The following PEX5L variants were observed in gnomAD, a reference collection of about 807,000 sequenced individuals.
PEX5L encodes PEX5-related protein.
A neutral mutation model predicts 84.0 loss-of-function variants in PEX5L; 30 were observed. That is an observed-to-expected ratio of 0.36 (90% CI 0.27 to 0.48). PEX5L has a LOEUF of 0.48. PEX5L is among the 20% of genes least tolerant of loss of function. PEX5L has a pLI of 0.99. For missense variants in PEX5L, 533 were observed against 754.6 expected (o/e 0.71, Z 3.44); for synonymous variants, 270 against 283.1 (o/e 0.95, Z 0.46).
intron 1 of PEX5L, among the ~76,000 whole-genome samples, chr3:179,984,106 C>T (rs1354632343): frequency 6.6e-6 from 1 of 152,068 alleles, no homozygotes; most frequent in Non-Finnish European, 1.5e-5. Flanking sequence ...CAAGAAATTA[C>T]ATTTCTCAAG....
At chr3:179,818,218 A>C (rs1726912877) in intron 9 of PEX5L, among the ~76,000 whole-genome samples, 1 of 152,096 alleles carries the variant, frequency 6.6e-6, no homozygotes, top group Admixed American at 6.5e-5. Flanking sequence ...CCTCCGCCAC[A>C]AAATAATAAT....
intron 8 of PEX5L, among the ~76,000 whole-genome samples, chr3:179,833,479 T>C (rs1296557277): frequency 6.6e-6 from 1 of 152,234 alleles, no homozygotes; most frequent in Non-Finnish European, 1.5e-5. Context: ...TTCTTTGCTT[T>C]AAGGATCAAT....
intron 1 of PEX5L, among the ~76,000 whole-genome samples, chr3:179,978,425 T>G (rs1387371750): frequency 6.6e-6 from 1 of 152,216 alleles, no homozygotes; most frequent in African/African-American, 2.4e-5. Context: ...ATATCTTTTC[T>G]AGTATTTTAT....
chr3:179,923,286 A>G (rs1397141510), intron 2 of PEX5L, among the ~76,000 whole-genome samples: 23 of 73,708 alleles, frequency 3.1e-4, no homozygotes, highest in Admixed American at 4.4e-4. Context: ...GCGAGACTCC[A>G]TCTCAAAAAA....
chr3:179,809,997 T>C (rs1723104556), intron 11 of PEX5L, among the ~76,000 whole-genome samples: 1 of 141,722 alleles, frequency 7.1e-6, no homozygotes, highest in Non-Finnish European at 1.5e-5. Context: ...ATTATTTTAA[T>C]GCTGCTTTTT....
In PEX5L at chr3:179,846,126, C is replaced by T. The variant is rs144774051; in HGVS notation, c.822+12936G>A. ...CAGAGGTTGCAGGGAGCCGAGGGCA[C>T]ACCACTGCACTCCAGCCTGGGTGAC... On this transcript the variant is annotated intron_variant, in intron 8 of 14. Coordinates refer to ENST00000467460, the MANE Select transcript of PEX5L (RefSeq NM_016559.3). Among the ~76,000 whole-genome samples the T allele has an allele frequency of 3.1e-3, 471 of 152,172 alleles. 4 individuals carry two copies. Among genetic ancestry groups the T allele is most frequent in the African/African-American group, 0.011 (439 of 41,524 alleles).
intron 8 of PEX5L, among the ~76,000 whole-genome samples, chr3:179,839,951 G>C (rs1333460299): frequency 3.3e-5 from 5 of 151,970 alleles, no homozygotes; most frequent in Admixed American, 1.3e-4. Context: ...CATAACTTGG[G>C]TAACAGCATT....
At chr3:179,839,897 C>T (rs995563732) in intron 8 of PEX5L, among the ~76,000 whole-genome samples, 4 of 152,064 alleles carry the variant, frequency 2.6e-5, no homozygotes, top group African/African-American at 9.6e-5. Context: ...AAAAGTTGAT[C>T]AAAAAACACC....
intron 8 of PEX5L, among the ~76,000 whole-genome samples, chr3:179,857,523 C>T (rs764343049): frequency 2.0e-5 from 3 of 152,066 alleles, no homozygotes; most frequent in South Asian, 4.2e-4. Context: ...TGGGGATAAA[C>T]GACTTCTAAG....
At chr3:179,965,485 G>C (rs1783104153) in intron 2 of PEX5L, among the ~76,000 whole-genome samples, 1 of 152,200 alleles carries the variant, frequency 6.6e-6, no homozygotes, top group South Asian at 2.1e-4. Flanking sequence ...TGCTTAGTAA[G>C]CGGCAGGGCC....
At chr3:180,005,461 G>C (rs968719014) in intron 1 of PEX5L, among the ~76,000 whole-genome samples, 2 of 152,124 alleles carry the variant, frequency 1.3e-5, no homozygotes, top group Non-Finnish European at 1.5e-5. Flanking sequence ...GGGCGTGGTG[G>C]CTCACGCCTG....
chr3:179,832,050 C>T (rs1199352588), intron 8 of PEX5L, among the ~76,000 whole-genome samples: 1 of 152,088 alleles, frequency 6.6e-6, no homozygotes, highest in Non-Finnish European at 1.5e-5. Flanking sequence ...GCATTCTATT[C>T]TCCACACCGA....
chr3:179,889,419 CAT>C (rs1756942111), intron 3 of PEX5L, among the ~76,000 whole-genome samples: 1 of 152,296 alleles, frequency 6.6e-6, no homozygotes, highest in Admixed American at 6.5e-5. Flanking sequence ...CTCATTTAAA[CAT>C]GTGTAAATCT....
chr3:179,875,557 G>A, intron 5 of PEX5L, 80 bp from the exon 6 acceptor site: 2 of 947,398 alleles, frequency 2.1e-6, no homozygotes, highest in East Asian at 2.7e-5. Context: ...GTGGGGTGAG[G>A]GTGGAGCGTG....
intron 1 of PEX5L, among the ~76,000 whole-genome samples, chr3:179,986,552 G>T (rs1005545241): frequency 5.9e-5 from 9 of 151,776 alleles, no homozygotes; most frequent in Non-Finnish European, 1.0e-4. Context: ...ACAGGCGCCC[G>T]CCACCACGCC....
intron 1 of PEX5L, among the ~76,000 whole-genome samples, chr3:180,006,768 A>G (rs1788936661): frequency 6.6e-6 from 1 of 152,190 alleles, no homozygotes; most frequent in Non-Finnish European, 1.5e-5. Flanking sequence ...AACCCTTCAG[A>G]TCTTGTGAGA....
intron 1 of PEX5L, among the ~76,000 whole-genome samples, chr3:180,023,494 G>A (rs996662450): frequency 1.3e-5 from 2 of 152,118 alleles, no homozygotes; most frequent in African/African-American, 4.8e-5. Flanking sequence ...GCTTCTCGAT[G>A]TTAGCAAAAT....
At chr3:179,967,109 G>A (rs1368541286) in intron 2 of PEX5L, among the ~76,000 whole-genome samples, 2 of 152,144 alleles carry the variant, frequency 1.3e-5, no homozygotes, top group Non-Finnish European at 2.9e-5. Context: ...GACCAATTAC[G>A]ATAATTCCTA....
chr3:179,865,533 A>G (rs1034442784), intron 7 of PEX5L, among the ~76,000 whole-genome samples: 10 of 151,294 alleles, frequency 6.6e-5, no homozygotes. Flanking sequence ...TTTTCATCAC[A>G]GGCAAAAGCT....
Sources: allele counts gnomAD v4.1 joint callset (sites outside exome capture counted in the v4.1 genomes callset), GRCh38; gene constraint gnomAD v4.1.1; transcripts MANE v1.5; gene names NCBI Gene and HGNC (gene_info 2026-07-23, HGNC 2026-07-21).